ACBD5: variants seen among roughly 807,000 people sequenced by gnomAD.
The protein encoded by ACBD5 is acyl-CoA-binding domain-containing protein 5.
In ACBD5, 40 loss-of-function variants were observed where a neutral mutation model predicts 71.8. The observed-to-expected ratio is 0.56, with a 90% CI of 0.43 to 0.72. The LOEUF is 0.72. Ranked by LOEUF, ACBD5 falls within the 30% of genes least tolerant of loss-of-function variation. The pLI, the probability that ACBD5 is intolerant of heterozygous loss-of-function variation, is 0.00. For synonymous variants in ACBD5, 229 were observed against 218.6 expected, an observed-to-expected ratio of 1.05 and a Z score of -0.42; for missense variants, 559 against 644.5, an observed-to-expected ratio of 0.87 and a Z score of 1.44.
chr10:27,226,444 CA>C lies in ACBD5; in HGVS notation c.376-2993del, dbSNP rs1485756470. Among the ~76,000 whole-genome samples, 791 of 113,940 alleles carry C rather than the reference CA, an allele frequency of 6.9e-3. 7 individuals are homozygous for C. The highest frequency in any genetic ancestry group is 0.021 in the African/African-American group (652 of 30,756). 74.7% of individuals were successfully genotyped at this position (113,940 alleles called of 152,430 possible). A position where few individuals can be genotyped will look rare whatever the true frequency, so the allele number is the denominator to read the frequency against. On this transcript the variant is annotated intron_variant, in intron 4 of 12. Transcript: ENST00000396271. Reference sequence around the variant, plus strand: ...GGTGCACATGTACACACATGAGATACAGACTACACACACACACACACACACA... The same window carrying C: ...GGTGCACATGTACACACATGAGATACGACTACACACACACACACACACACA...
At chr10:27,220,061 C>A (rs909157729) in intron 5 of ACBD5, among the ~76,000 whole-genome samples, 2 of 152,090 alleles carry the variant, frequency 1.3e-5, no homozygotes, top group South Asian at 4.1e-4. Context: ...TATGATCAAG[C>A]TATCTTAAAT....
chr10:27,236,113 CAAAAAAA>C (rs138918182), intron 2 of ACBD5, among the ~76,000 whole-genome samples: 1 of 138,408 alleles, frequency 7.2e-6, no homozygotes, highest in Admixed American at 7.3e-5. Context: ...GACCCTGTCT[CAAAAAAA>C]AAAAAAAAAA....
At chr10:27,211,383 C>T (rs905488117) in intron 8 of ACBD5, among the ~76,000 whole-genome samples, 13 of 152,098 alleles carry the variant, frequency 8.5e-5, no homozygotes, top group African/African-American at 2.9e-4. Context: ...TTCACTGGCA[C>T]GATCTCGGCT....
chr10:27,189,312 C>T (rs1192891382), intron 13 of ACBD5, among the ~76,000 whole-genome samples: 1 of 152,198 alleles, frequency 6.6e-6, no homozygotes, highest in South Asian at 2.1e-4. Flanking sequence ...CAGGCGTGAG[C>T]CACCCGGCCA....
At chr10:27,205,513 T>A (rs192669416) in intron 10 of ACBD5, among the ~76,000 whole-genome samples, 2 of 152,316 alleles carry the variant, frequency 1.3e-5, no homozygotes, top group Non-Finnish European at 2.9e-5. Context: ...TAATGCTTTA[T>A]ATTTTTAGTT....
intron 13 of ACBD5, chr10:27,186,624 G>A (rs770407671): frequency 7.0e-5 from 83 of 1,187,490 alleles, no homozygotes; most frequent in Non-Finnish European, 9.6e-5. Flanking sequence ...GATCTAAGGG[G>A]GAAAGATCAT....
At chr10:27,212,619 C>T (rs1422316000) in intron 8 of ACBD5, among the ~76,000 whole-genome samples, 2 of 145,368 alleles carry the variant, frequency 1.4e-5, no homozygotes, top group South Asian at 2.2e-4. Context: ...GGCTTTATAG[C>T]CCAGGCTGGA....
At chr10:27,194,977 A>G (rs1440730924), downstream of ACBD5, among the ~76,000 whole-genome samples, 1 of 152,192 alleles carries the variant, frequency 6.6e-6, no homozygotes, top group Non-Finnish European at 1.5e-5. Flanking sequence ...GCCTGGCAAC[A>G]GAGCGAGACT....
Position 27,196,604 on chromosome 10 carries a change from A to C in ACBD5, c.*826T>G. On this transcript the variant is annotated 3_prime_UTR_variant, in exon 13 of 13. Transcript: ENST00000396271. The stretch of plus-strand genomic sequence containing the variant: ...CAGTATAAATAAGTTTTCATTTTAT[A>C]TTTCAAAGCACCCTATGAAGCAGAC... The C allele has an allele frequency of 2.2e-6, 1 of 453,856 alleles. No homozygotes were observed. Among genetic ancestry groups the C allele is most frequent in the Non-Finnish European group, 4.4e-6 (1 of 226,666 alleles). The allele number at this position is 453,856 out of a possible 1,614,324, so 28.1% of individuals were successfully genotyped here.
At chr10:27,192,759 C>G (rs2136372295), downstream of ACBD5, among the ~76,000 whole-genome samples, 1 of 152,252 alleles carries the variant, frequency 6.6e-6, no homozygotes, top group South Asian at 2.1e-4. Flanking sequence ...ATCACGAGGT[C>G]AGGAGTTCAA....
chr10:27,224,427 G>C (rs1034438306), intron 4 of ACBD5, among the ~76,000 whole-genome samples: 1 of 152,032 alleles, frequency 6.6e-6, no homozygotes, highest in Non-Finnish European at 1.5e-5. Flanking sequence ...TTCATTAAAC[G>C]AAATAGAAAA....
In ACBD5 at chr10:27,189,789, A is replaced by T. The variant is rs868517814; in HGVS notation, c.1494-7074T>A. Among the ~76,000 whole-genome samples the T allele has an allele frequency of 6.3e-3, 935 of 147,866 alleles. 5 individuals carry two copies. The highest frequency in any genetic ancestry group is 0.021 in the African/African-American group (845 of 40,008). On this transcript the variant is annotated intron_variant, in intron 13 of 13. Coordinates refer to the ACBD5 transcript ENST00000676511. Reference sequence around the variant, plus strand: ...ATAAAAATATATATATATATATATAAATAAACTTTTGTTTTCACAACGGCA... The same window carrying T: ...ATAAAAATATATATATATATATATATATAAACTTTTGTTTTCACAACGGCA...
chr10:27,186,761 CATTT>C, intron 13 of ACBD5: 1 of 550,116 alleles, frequency 1.8e-6, no homozygotes, highest in Non-Finnish European at 3.2e-6. Context: ...AAGCTTTTTT[CATTT>C]ATTTATTTTG....
At position 27,232,840 on chromosome 10, in the gene ACBD5, C is replaced by T. The variant is rs374530376; in HGVS notation, c.303-1020G>A. The stretch of plus-strand genomic sequence containing the variant: ...ACCTCCATTTTTATATGTTTTTCCC[C>T]GAAGGAGTTTAACTCCACCAAAGGT... On this transcript the variant is annotated intron_variant, in intron 3 of 12. Coordinates refer to ENST00000396271, the MANE Select transcript of ACBD5 (RefSeq NM_145698.5). Among the ~76,000 whole-genome samples the T allele has an allele frequency of 3.9e-5, 6 of 152,048 alleles. No homozygotes were observed. The South Asian group carries it at 6.2e-4, about 16-fold the overall frequency.
chr10:27,234,041 T>A (rs1282662595), intron 3 of ACBD5, among the ~76,000 whole-genome samples: 1 of 152,134 alleles, frequency 6.6e-6, no homozygotes, highest in East Asian at 1.9e-4. Context: ...TGAAACTCCA[T>A]CTCAAAAATA....
intron 13 of ACBD5, among the ~76,000 whole-genome samples, chr10:27,190,148 G>A (rs957302296): frequency 1.3e-5 from 2 of 152,132 alleles, no homozygotes; most frequent in African/African-American, 4.8e-5. Flanking sequence ...AGCCAGGCAT[G>A]ATGGTGCGCG....
chr10:27,191,358 A>G (rs1040878753), downstream of ACBD5, among the ~76,000 whole-genome samples: 1 of 152,208 alleles, frequency 6.6e-6, no homozygotes, highest in Non-Finnish European at 1.5e-5. Context: ...ACTACTCTGT[A>G]TGATATAATG....
chr10:27,187,362 AACAAAAAG>A (rs1213443971), intron 13 of ACBD5, among the ~76,000 whole-genome samples: 1 of 152,240 alleles, frequency 6.6e-6, no homozygotes, highest in Non-Finnish European at 1.5e-5. Context: ...ATAAGGAATA[AACAAAAAG>A]ACTAAGGCTT....
At chr10:27,227,968 C>T (rs540909001) in intron 4 of ACBD5, among the ~76,000 whole-genome samples, 3 of 151,982 alleles carry the variant, frequency 2.0e-5, no homozygotes, top group Non-Finnish European at 4.4e-5. Flanking sequence ...CTGTCTCAGC[C>T]TCCCAAAGTG....
Sources: gnomAD v4.1 joint callset for allele counts (sites outside exome capture counted in the v4.1 genomes callset) on GRCh38, gnomAD v4.1.1 for gene constraint, MANE v1.5 for transcripts, NCBI Gene and HGNC (gene_info 2026-07-23, HGNC 2026-07-21) for gene names.